SUN3: variants seen among roughly 807,000 people sequenced by gnomAD.
SUN3 encodes the protein Sad1 and UNC84 domain containing 3, also known as SUN domain-containing protein 3.
In SUN3, 36 loss-of-function variants were observed where a neutral mutation model predicts 48.2. The ratio of observed to expected loss-of-function variants is 0.75; its 90% CI spans 0.57 to 0.99. SUN3 has a LOEUF of 0.99. SUN3 is among the 50% of genes least tolerant of loss of function. SUN3 has a pLI of 0.00. For synonymous variants in SUN3, 148 were observed against 147.9 expected (o/e 1.00, Z 0.00); for missense variants, 419 against 433.1 (o/e 0.97, Z 0.29).
intron 2 of SUN3, among the ~76,000 whole-genome samples, chr7:48,020,688 A>G (rs1043649250): frequency 9.8e-5 from 15 of 152,330 alleles, no homozygotes; most frequent in Non-Finnish European, 1.8e-4. Context: ...TCTCATTTAC[A>G]ATAGCCACAA....
intron 6 of SUN3, among the ~76,000 whole-genome samples, chr7:47,997,633 G>T (rs921282088): frequency 6.6e-6 from 1 of 152,154 alleles, no homozygotes; most frequent in African/African-American, 2.4e-5. Flanking sequence ...TCAGGGTTTT[G>T]TATTATATTC....
intron 5 of SUN3, 92 bp from the exon 6 acceptor site, chr7:48,006,145 C>CAA: frequency 1.1e-6 from 1 of 908,790 alleles, no homozygotes; most frequent in Non-Finnish European, 1.7e-6. Context: ...ACCTAATTTG[C>CAA]AAAATTAGAA....
At chr7:47,988,724 G>A (rs975463039) in intron 9 of SUN3, 64 bp downstream of exon 9, 44 of 983,670 alleles carry the variant, frequency 4.5e-5, no homozygotes, top group Admixed American at 6.7e-5. Context: ...TTTACATGAA[G>A]CAATCCCAAC....
chr7:47,987,283 T>G lies in SUN3; in HGVS notation c.*47A>C. 1 of 1,582,196 alleles carries G rather than the reference T, an allele frequency of 6.3e-7. No homozygotes were observed. The highest frequency in any genetic ancestry group is 8.6e-7 in the Non-Finnish European group (1 of 1,165,496). On this transcript the variant is annotated 3_prime_UTR_variant, in exon 10 of 10. Transcript: ENST00000297325. ...GCGGTATCATCTAAGAGAATAAGCA[T>G]TCTTGAATATTCTGGACATGTGGCA...
At chr7:48,030,940 A>G (rs549338070), upstream of SUN3, among the ~76,000 whole-genome samples, 5 of 152,346 alleles carry the variant, frequency 3.3e-5, no homozygotes, top group African/African-American at 1.2e-4. Context: ...TCACATGCAA[A>G]AGAATTAAAT....
intron 6 of SUN3, chr7:48,000,044 A>G (rs1295681461): frequency 6.6e-6 from 1 of 152,256 alleles, no homozygotes; most frequent in Non-Finnish European, 1.5e-5. Flanking sequence ...TACATATATT[A>G]GCCCTCCACG....
chr7:47,997,387 G>A (rs942231886), intron 6 of SUN3, among the ~76,000 whole-genome samples: 1 of 151,998 alleles, frequency 6.6e-6, no homozygotes, highest in Non-Finnish European at 1.5e-5. Context: ...CTGACTGCCC[G>A]CTCACTATTC....
In SUN3 at chr7:48,012,849, A is replaced by G. The variant is rs1367350058; in HGVS notation, c.289-3774T>C. ...TGAAGGTACCACCCACGTGAATAGG[A>G]TTAGTGCTTTTAATAAAAAGCTCGA... On this transcript the variant is annotated intron_variant, in intron 3 of 9. Transcript: ENST00000297325. Among the ~76,000 whole-genome samples, 11 of 152,292 alleles carry G rather than the reference A, an allele frequency of 7.2e-5. No homozygotes were observed. The East Asian group carries it at 1.9e-3, about 27-fold the overall frequency.
the SUN3 span, among the ~76,000 whole-genome samples, chr7:48,035,064 TTA>T: frequency 6.6e-6 from 1 of 152,212 alleles, no homozygotes; most frequent in African/African-American, 2.4e-5. This position sits in a 1 kb window ranked among gnomAD's most constrained non-coding sequence, Gnocchi z 4.0. Context: ...TAAATTCTTT[TTA>T]TGTTTTATTT....
At chr7:48,008,608 A>C (rs1267310712) in intron 4 of SUN3, among the ~76,000 whole-genome samples, 1 of 152,200 alleles carries the variant, frequency 6.6e-6, no homozygotes, top group African/African-American at 2.4e-5. Context: ...AAATATGTAA[A>C]AGGACAAGTA....
rs377648768 is a variant in SUN3, at chr7:48,014,557, G to T, written c.288+2705C>A. 8.5e-5 allele frequency among the ~76,000 whole-genome samples: 13 copies of T among 152,284 alleles called. No homozygotes were observed. In the East Asian group the frequency reaches 2.1e-3, roughly 25 times the overall value. ...ACCTGGATATTGTCACAGGTGGTTT[G>T]TGTGGTCACAGAAGCCTGTCTAATG... On this transcript the variant is annotated intron_variant, in intron 3 of 9. Transcript: ENST00000297325.
chr7:47,989,619 T>C (rs900408113), intron 8 of SUN3, among the ~76,000 whole-genome samples: 2 of 152,200 alleles, frequency 1.3e-5, no homozygotes, highest in Non-Finnish European at 2.9e-5. Context: ...AACTATAACA[T>C]TTTTATTAAA....
rs535909254 is a variant in SUN3 at position 48,001,538 on chromosome 7, T to G, written c.577+4431A>C. On this transcript the variant is annotated intron_variant, in intron 6 of 9. Transcript: ENST00000297325. ...GTCTTTTCTGTTTTTTTTGTTTTTT[T>G]TTTTTTTTTTTTTGAGACAGAGTCT... is the stretch of plus-strand genomic sequence containing the variant. Among the ~76,000 whole-genome samples, 48 of 143,608 alleles carry G rather than the reference T, an allele frequency of 3.3e-4. 2 individuals are homozygous for G. In the South Asian group the frequency reaches 0.011, roughly 32 times the overall value. The allele number at this position is 143,608 out of a possible 152,430, so 94.2% of individuals were successfully genotyped here. A position where few individuals can be genotyped will look rare whatever the true frequency, so the allele number is the denominator to read the frequency against.
intron 1 of SUN3, 69 bp downstream of exon 1, chr7:48,028,748 G>T (rs371992570): frequency 6.3e-7 from 1 of 1,575,448 alleles, no homozygotes; most frequent in Admixed American, 1.8e-5. Context: ...CAGATGAACA[G>T]ACACAAGTGA....
intron 6 of SUN3, 96 bp downstream of exon 6, chr7:48,005,873 A>G: frequency 1.6e-6 from 1 of 624,384 alleles, no homozygotes; most frequent in Non-Finnish European, 2.6e-6. Flanking sequence ...TTACCAGATA[A>G]ATATGTTTTC....
At chr7:48,024,903 T>C (rs79027225) in intron 2 of SUN3, among the ~76,000 whole-genome samples, 4,017 of 152,246 alleles carry the variant, frequency 0.026, 172 homozygotes, top group African/African-American at 0.091. Flanking sequence ...GGCCCCCACC[T>C]GCAACACTGG....
chr7:47,987,674 C>T (rs1353865374), intron 9 of SUN3, among the ~76,000 whole-genome samples: 2 of 152,034 alleles, frequency 1.3e-5, no homozygotes, highest in Non-Finnish European at 2.9e-5. Flanking sequence ...GCTGGAACTA[C>T]AGGCACACGC....
At chr7:48,035,664 G>T in the SUN3 span, 2 of 641,758 alleles carry the variant, frequency 3.1e-6, no homozygotes, top group South Asian at 1.7e-5. This position sits in a 1 kb window ranked among gnomAD's most constrained non-coding sequence, Gnocchi z 4.0. Context: ...CAATGGGGGC[G>T]CCCACTGTGG....
intron 2 of SUN3, among the ~76,000 whole-genome samples, chr7:48,019,977 CAAAAAAAAAAAAAA>C (rs869166401): frequency 1.6e-5 from 1 of 64,144 alleles, no homozygotes; most frequent in Non-Finnish European, 3.5e-5. Flanking sequence ...AAAGACACAT[CAAAAAAAAAAAAAA>C]AAAAAAAAAA....
Sources: gnomAD v4.1 joint callset for allele counts (sites outside exome capture counted in the v4.1 genomes callset) on GRCh38, gnomAD v4.1.1 for gene constraint, Gnocchi (gnomAD v3.1) non-coding constraint, MANE v1.5 for transcripts, NCBI Gene and HGNC (gene_info 2026-07-23, HGNC 2026-07-21) for gene names.